The following ZYG11B variants were observed in gnomAD, a reference collection of about 807,000 sequenced individuals.
ZYG11B encodes protein zyg-11 homolog B.
ZYG11B carries 36 observed loss-of-function variants against 82.4 expected under a neutral mutation model. The observed-to-expected ratio is 0.44, with a 90% confidence interval of 0.33 to 0.58. The LOEUF (loss-of-function observed/expected upper bound fraction) is 0.58, where lower values mean the gene tolerates loss of function less well. Among genes scored for constraint, ZYG11B ranks in the 20% least tolerant of loss-of-function variants. The pLI is 0.02. For missense variants in ZYG11B, 552 were observed against 895.6 expected, an observed-to-expected ratio of 0.62 and a Z score of 4.90; for synonymous variants, 303 against 312.8, an observed-to-expected ratio of 0.97 and a Z score of 0.33.
intron 1 of ZYG11B, among the ~76,000 whole-genome samples, chr1:52,727,117 C>T (rs1321877057): frequency 1.3e-5 from 2 of 151,988 alleles, no homozygotes. Flanking sequence ...CATTTTATCT[C>T]CACTGCCCCC....
At chr1:52,777,225 AAAG>A (rs1644817696) in intron 3 of ZYG11B, among the ~76,000 whole-genome samples, 1 of 152,192 alleles carries the variant, frequency 6.6e-6, no homozygotes, top group African/African-American at 2.4e-5. Context: ...AAAGGAAAAA[AAAG>A]AGAAAAGACG....
chr1:52,801,048 T>C (rs1413699739), intron 8 of ZYG11B, among the ~76,000 whole-genome samples: 1 of 152,188 alleles, frequency 6.6e-6, no homozygotes, highest in African/African-American at 2.4e-5. Flanking sequence ...CATAAATTTT[T>C]TAGGGTAAAG....
chr1:52,797,422 ACATAT>A (rs796106685), intron 8 of ZYG11B, among the ~76,000 whole-genome samples: 5,658 of 101,094 alleles, frequency 0.056, 473 homozygotes, highest in East Asian at 0.36. Context: ...CATATATTAT[ACATAT>A]TATATATAAC....
chr1:52,774,038 C>A (rs1399930503), intron 3 of ZYG11B, among the ~76,000 whole-genome samples: 1 of 151,942 alleles, frequency 6.6e-6, no homozygotes, highest in Non-Finnish European at 1.5e-5. Flanking sequence ...CGTGCAAAGA[C>A]TGCGTTAGGA....
chr1:52,803,093 TATATACATATATATATATATATATAC>T, intron 10 of ZYG11B, among the ~76,000 whole-genome samples: 1 of 21,204 alleles, frequency 4.7e-5, no homozygotes. Context: ...TACACATATA[TATATACATATATATATATATATATAC>T]ACACATATAT....
chr1:52,779,097 TAGTC>T (rs1165626987), intron 3 of ZYG11B, among the ~76,000 whole-genome samples: 2 of 152,126 alleles, frequency 1.3e-5, no homozygotes, highest in Non-Finnish European at 2.9e-5. Flanking sequence ...GAGTAGAAAT[TAGTC>T]AGGTAAAGAG....
chr1:52,784,735 T>C, intron 4 of ZYG11B, 142 bp from the exon 5 acceptor site: 1 of 854,722 alleles, frequency 1.2e-6, no homozygotes, highest in South Asian at 1.6e-5. Flanking sequence ...GTAACTGCTA[T>C]ATCCTAGGCT....
At chr1:52,809,272 G>A (rs1352081239) in intron 10 of ZYG11B, among the ~76,000 whole-genome samples, 1 of 152,054 alleles carries the variant, frequency 6.6e-6, no homozygotes, top group Non-Finnish European at 1.5e-5. Flanking sequence ...ACTCATCTCT[G>A]TAACTGTTTT....
At chr1:52,817,423 T>C (rs1391872114) in intron 13 of ZYG11B, among the ~76,000 whole-genome samples, 1 of 151,900 alleles carries the variant, frequency 6.6e-6, no homozygotes, top group Non-Finnish European at 1.5e-5. Flanking sequence ...ACAAGGTCTG[T>C]CTCTATCACT....
intron 10 of ZYG11B, among the ~76,000 whole-genome samples, chr1:52,811,425 C>T (rs1192839877): frequency 6.6e-6 from 1 of 152,128 alleles, no homozygotes; most frequent in African/African-American, 2.4e-5. Context: ...CTTTTTTCCC[C>T]AGTCTGATTT....
intron 4 of ZYG11B, among the ~76,000 whole-genome samples, chr1:52,783,259 G>A (rs1644871778): frequency 6.6e-6 from 1 of 152,086 alleles, no homozygotes; most frequent in Non-Finnish European, 1.5e-5. Context: ...TTGCTGCAAA[G>A]GGGAGCAAAG....
chr1:52,789,934 AG>A, intron 5 of ZYG11B, 68 bp from the exon 6 acceptor site: 1 of 1,073,390 alleles, frequency 9.3e-7, no homozygotes, highest in Non-Finnish European at 1.3e-6. Context: ...TTTTTATGGA[AG>A]CTACCATGGT....
At chr1:52,797,795 C>T (rs1645039471) in intron 8 of ZYG11B, among the ~76,000 whole-genome samples, 1 of 151,402 alleles carries the variant, frequency 6.6e-6, no homozygotes, top group Non-Finnish European at 1.5e-5. Context: ...AGGCGTGAGC[C>T]ACCGTGCCCG....
intron 2 of ZYG11B, among the ~76,000 whole-genome samples, chr1:52,768,315 G>A (rs1020760371): frequency 7.2e-5 from 11 of 152,046 alleles, no homozygotes; most frequent in South Asian, 2.1e-4. Flanking sequence ...ACTTTTCTGC[G>A]TTGTTCCATG....
At chr1:52,758,223 C>T (rs1183083331) in intron 2 of ZYG11B, among the ~76,000 whole-genome samples, 2 of 147,646 alleles carry the variant, frequency 1.4e-5, no homozygotes, top group Non-Finnish European at 3.0e-5. Flanking sequence ...AAAAAAGATA[C>T]ACCTTTATAT....
In ZYG11B at chr1:52,750,189, C is replaced by T. The variant is rs557903271; in HGVS notation, c.31-6269C>T. On this transcript the variant is annotated intron_variant, in intron 1 of 13. Coordinates refer to ENST00000294353, the MANE Select transcript of ZYG11B (RefSeq NM_024646.3). ...GTTGGCTCACTGCAACCTCCGCCTC[C>T]GGGGTTCAGGCGATTCTCCTGCCTC... Among the ~76,000 whole-genome samples the T allele has an allele frequency of 3.9e-5, 6 of 152,206 alleles. No homozygotes were observed. In the East Asian group the frequency reaches 7.7e-4, roughly 20 times the overall value.
chr1:52,815,692 T>C (rs1016279954), intron 12 of ZYG11B, among the ~76,000 whole-genome samples: 5 of 152,058 alleles, frequency 3.3e-5, no homozygotes, highest in Non-Finnish European at 5.9e-5. Flanking sequence ...CCCAGCACTT[T>C]GGGAGGCCGA....
Position 52,790,079 on chromosome 1 carries a change from C to T in ZYG11B, c.1334+12C>T. 6 of 1,571,278 alleles carry T rather than the reference C, an allele frequency of 3.8e-6. No individual in the cohort carries two copies. The highest frequency in any genetic ancestry group is 5.2e-6 in the Non-Finnish European group (6 of 1,154,130). On this transcript the variant is annotated intron_variant, in intron 6 of 13. Transcript: ENST00000294353. Reference sequence around the variant, plus strand: ...GTTCCATTTAACAGGCAAGTGATAGCTCTAGAACTTAAAGTGGGGCAAAAC... The same window carrying T: ...GTTCCATTTAACAGGCAAGTGATAGTTCTAGAACTTAAAGTGGGGCAAAAC...
intron 2 of ZYG11B, among the ~76,000 whole-genome samples, chr1:52,765,468 A>G (rs1160029608): frequency 3.3e-5 from 5 of 151,906 alleles, no homozygotes; most frequent in African/African-American, 1.2e-4. Context: ...CAGCCTCCCA[A>G]TTACAGGAAT....
Sources: allele counts gnomAD v4.1 joint callset (sites outside exome capture counted in the v4.1 genomes callset), GRCh38; gene constraint gnomAD v4.1.1; transcripts MANE v1.5; gene names NCBI Gene and HGNC (gene_info 2026-07-23, HGNC 2026-07-21).